Variants in SLC9C1 observed in about 807,000 individuals in gnomAD.
SLC9C1 encodes solute carrier family 9 member C1, also known as sodium/hydrogen exchanger 10.
SLC9C1 carries 97 observed loss-of-function variants against 140.9 expected under a neutral mutation model. That is an observed-to-expected ratio of 0.69 (90% confidence interval 0.58 to 0.82). The LOEUF (loss-of-function observed/expected upper bound fraction) is 0.82, where lower values mean the gene tolerates loss of function less well. Among genes scored for constraint, SLC9C1 ranks in the 40% least tolerant of loss-of-function variants. SLC9C1 has a pLI of 0.00. For synonymous variants in SLC9C1, 440 were observed against 442.6 expected (o/e 0.99, Z 0.07); for missense variants, 1,340 against 1,389.3 (o/e 0.96, Z 0.56).
At chr3:112,189,260 T>A (rs2107987444) in intron 20 of SLC9C1, among the ~76,000 whole-genome samples, 1 of 152,352 alleles carries the variant, frequency 6.6e-6, no homozygotes, top group Non-Finnish European at 1.5e-5. Flanking sequence ...AATTTTGGCT[T>A]TTGTTGCCAT....
At chr3:112,229,345 G>A (rs370412614) in intron 13 of SLC9C1, among the ~76,000 whole-genome samples, 10 of 151,946 alleles carry the variant, frequency 6.6e-5, no homozygotes, top group South Asian at 2.1e-4. Flanking sequence ...ATTCTCAACC[G>A]AAAGAAACAA....
chr3:112,171,137 C>T (rs532280170), intron 23 of SLC9C1, among the ~76,000 whole-genome samples: 4 of 152,036 alleles, frequency 2.6e-5, no homozygotes, highest in African/African-American at 4.8e-5. Flanking sequence ...TCACTTGAAT[C>T]CGGGAGGCGG....
intron 12 of SLC9C1, among the ~76,000 whole-genome samples, chr3:112,239,597 C>T (rs9869291): frequency 0.59 from 89,509 of 151,670 alleles, 26,866 homozygotes; most frequent in East Asian, 0.77. Context: ...ATCTTGGAAC[C>T]ATGCCCCCAA....
At chr3:112,177,079 T>A (rs1247944670) in intron 23 of SLC9C1, among the ~76,000 whole-genome samples, 1 of 149,916 alleles carries the variant, frequency 6.7e-6, no homozygotes, top group Admixed American at 6.8e-5. Flanking sequence ...CGATCTCAGC[T>A]TACTGCAACC....
At chr3:112,217,053 T>C (rs912169389) in intron 15 of SLC9C1, among the ~76,000 whole-genome samples, 1 of 152,100 alleles carries the variant, frequency 6.6e-6, no homozygotes, top group Non-Finnish European at 1.5e-5. Flanking sequence ...ATGTCCTTTG[T>C]AGGGACATGG....
At chr3:112,288,203 CAA>C (rs1288147401) in intron 1 of SLC9C1, among the ~76,000 whole-genome samples, 2 of 151,192 alleles carry the variant, frequency 1.3e-5, no homozygotes, top group Non-Finnish European at 2.9e-5. Context: ...TATTATAAAA[CAA>C]TATTTTGAAG....
chr3:112,204,491 C>A, intron 16 of SLC9C1, 88 bp from the exon 17 acceptor site: 4 of 1,385,840 alleles, frequency 2.9e-6, no homozygotes, highest in Non-Finnish European at 2.9e-6. Context: ...TCATGTTAGG[C>A]TTTTCTCTTA....
chr3:112,142,291 T>A (rs566059442), intron 28 of SLC9C1, among the ~76,000 whole-genome samples: 1 of 152,354 alleles, frequency 6.6e-6, no homozygotes. Context: ...TAATTTTTTT[T>A]AAATTCTGCA....
At position 112,231,500 on chromosome 3, in the gene SLC9C1, A is replaced by G. The variant is rs763113963; in HGVS notation, c.1447-14T>C. 2.5e-6 allele frequency: 4 copies of G among 1,589,726 alleles called. No homozygotes were observed. In the Admixed American group the frequency reaches 7.0e-5, roughly 28 times the overall value. On this transcript the variant is annotated splice_polypyrimidine_tract_variant and intron_variant, in intron 12 of 28. Coordinates refer to ENST00000305815, the MANE Select transcript of SLC9C1 (RefSeq NM_183061.3). ...TTCTTCGTTCAACTAAATAAAACAT[A>G]AATAAAAGAACAAAAAATACATGAA... is the stretch of plus-strand genomic sequence containing the variant.
At chr3:112,267,499 C>T (rs1026545636) in intron 7 of SLC9C1, among the ~76,000 whole-genome samples, 3 of 135,762 alleles carry the variant, frequency 2.2e-5, no homozygotes, top group African/African-American at 8.3e-5. Flanking sequence ...TGGCGAGAAC[C>T]CGAAAGGTGG....
At chr3:112,217,590 G>A (rs746558306) in intron 14 of SLC9C1, 29 bp from the exon 15 acceptor site, 1 of 1,538,106 alleles carries the variant, frequency 6.5e-7, no homozygotes, top group African/African-American at 1.4e-5. Flanking sequence ...CTTTAAACAT[G>A]CTTTAAACAT....
chr3:112,181,210 T>C (rs2077433653), intron 21 of SLC9C1, among the ~76,000 whole-genome samples: 1 of 152,186 alleles, frequency 6.6e-6, no homozygotes, highest in African/African-American at 2.4e-5. Context: ...CAATTTTAGA[T>C]AGGGTATTTA....
intron 20 of SLC9C1, among the ~76,000 whole-genome samples, chr3:112,190,503 C>T (rs1044432896): frequency 6.6e-6 from 1 of 152,082 alleles, no homozygotes; most frequent in Non-Finnish European, 1.5e-5. Flanking sequence ...ACATTTTAGT[C>T]TACCATATTT....
chr3:112,281,947 A>G (rs1240844575), intron 2 of SLC9C1, among the ~76,000 whole-genome samples: 1 of 150,896 alleles, frequency 6.6e-6, no homozygotes, highest in African/African-American at 2.4e-5. Context: ...GAAGAAGCCC[A>G]CAGTGGCGGA....
chr3:112,278,712 CA>C lies in SLC9C1; in HGVS notation c.318+16del. ...GTGGTTCATGAATGAATGATATTACCAAAAAAGAATGCTTACCTGCCAAAAT... is the reference window on the plus strand; with the variant it reads ...GTGGTTCATGAATGAATGATATTACCAAAAAGAATGCTTACCTGCCAAAAT... On this transcript the variant is annotated intron_variant, in intron 4 of 28. Transcript: ENST00000305815. 1 of 1,577,544 alleles carries C rather than the reference CA, an allele frequency of 6.3e-7. No homozygotes were observed.
At chr3:112,277,206 A>G (rs1008670952) in intron 5 of SLC9C1, among the ~76,000 whole-genome samples, 9 of 152,128 alleles carry the variant, frequency 5.9e-5, no homozygotes, top group African/African-American at 2.2e-4. Context: ...TTAAGATACT[A>G]TACACTCAAA....
At chr3:112,222,257 T>C (rs1419230296) in intron 13 of SLC9C1, among the ~76,000 whole-genome samples, 1 of 152,194 alleles carries the variant, frequency 6.6e-6, no homozygotes, top group Non-Finnish European at 1.5e-5. Context: ...AATTAGATAC[T>C]AGAAGATGTT....
chr3:112,178,509 T>G (rs546101766), intron 23 of SLC9C1, among the ~76,000 whole-genome samples: 1 of 152,174 alleles, frequency 6.6e-6, no homozygotes, highest in Non-Finnish European at 1.5e-5. Flanking sequence ...TAAATTTAGC[T>G]GATTATTCCC....
At chr3:112,201,746 T>G (rs148915617) in intron 18 of SLC9C1, among the ~76,000 whole-genome samples, 23 of 152,152 alleles carry the variant, frequency 1.5e-4, no homozygotes, top group African/African-American at 5.1e-4. Context: ...AAAATCAAAC[T>G]AGGTTTCCCT....
Sources: gnomAD v4.1 joint callset for allele counts (sites outside exome capture counted in the v4.1 genomes callset) on GRCh38, gnomAD v4.1.1 for gene constraint, MANE v1.5 for transcripts, NCBI Gene and HGNC (gene_info 2026-07-23, HGNC 2026-07-21) for gene names.